RALB: variants seen among roughly 807,000 people sequenced by gnomAD.
RALB encodes ras-related protein Ral-B.
RALB carries 16 observed loss-of-function variants against 21.3 expected under a neutral mutation model. That is an observed-to-expected ratio of 0.75 (90% CI 0.51 to 1.14). RALB has a LOEUF of 1.14. RALB is among the 50% of genes most tolerant of loss of function. The probability of loss-of-function intolerance (pLI) is 0.00; values close to 1 mark genes in which losing one functional copy is unlikely to be tolerated. For synonymous variants in RALB, 93 were observed against 96.1 expected (o/e 0.97, Z 0.19); for missense variants, 161 against 256.2 (o/e 0.63, Z 2.54).
At position 120,294,224 on chromosome 2, in the gene RALB, T is replaced by A. The variant is rs537842375; in HGVS notation, c.*964T>A. The A allele has an allele frequency of 1.6e-4, 63 of 398,640 alleles. No individual in the cohort carries two copies. In the South Asian group the frequency reaches 7.6e-3, roughly 48 times the overall value. The allele number at this position is 398,640 out of a possible 1,614,324, so 24.7% of individuals were successfully genotyped here. Reference sequence around the variant, plus strand: ...AAAGACGTGATGAGTTAAAGTTGTATTCTGAAATCATGAAGCCAGAGCCTG... The same window carrying A: ...AAAGACGTGATGAGTTAAAGTTGTAATCTGAAATCATGAAGCCAGAGCCTG... On this transcript the variant is annotated 3_prime_UTR_variant, in exon 5 of 5. Coordinates refer to ENST00000272519, the MANE Select transcript of RALB (RefSeq NM_002881.3).
At chr2:120,285,735 G>A (rs944283600) in intron 2 of RALB, 139 bp from the exon 3 acceptor site, 1 of 675,502 alleles carries the variant, frequency 1.5e-6, no homozygotes, top group African/African-American at 1.8e-5. Flanking sequence ...GAGCTATAAA[G>A]AACAGAAGTG....
chr2:120,270,471 A>T (rs1689635492), intron 1 of RALB, among the ~76,000 whole-genome samples: 1 of 152,192 alleles, frequency 6.6e-6, no homozygotes, highest in South Asian at 2.1e-4. Context: ...TGTTCGAGTG[A>T]GCTGAGGAGA....
upstream of RALB, among the ~76,000 whole-genome samples, chr2:120,250,448 A>T (rs148837706): frequency 2.0e-4 from 31 of 152,346 alleles, no homozygotes; most frequent in African/African-American, 6.7e-4. Flanking sequence ...TCTGCTCACA[A>T]GTGATCGGTT....
chr2:120,258,116 A>C (rs143270938), intron 1 of RALB, among the ~76,000 whole-genome samples: 4 of 152,246 alleles, frequency 2.6e-5, no homozygotes, highest in African/African-American at 9.6e-5. Context: ...CCTTTTCAAC[A>C]TTCAAGCCTA....
chr2:120,275,322 G>GAACAGC (rs1179193963), intron 1 of RALB, among the ~76,000 whole-genome samples: 1 of 152,194 alleles, frequency 6.6e-6, no homozygotes, highest in African/African-American at 2.4e-5. Flanking sequence ...AAATTACCAA[G>GAACAGC]AACAGCAACC....
At chr2:120,253,387 C>T (rs72841695) in intron 1 of RALB, 10,381 of 985,528 alleles carry the variant, frequency 0.011, 63 homozygotes, top group Non-Finnish European at 0.012. Context: ...ACTTAACTGC[C>T]CTCGGAACTT....
chr2:120,259,991 T>A, intron 1 of RALB, among the ~76,000 whole-genome samples: 1 of 152,324 alleles, frequency 6.6e-6, no homozygotes, highest in South Asian at 2.1e-4. Context: ...GCCACTGGCC[T>A]GGCTGCTAAG....
At chr2:120,264,129 G>A (rs1397701144) in intron 1 of RALB, among the ~76,000 whole-genome samples, 1 of 151,210 alleles carries the variant, frequency 6.6e-6, no homozygotes, top group African/African-American at 2.4e-5. Context: ...GATTACAAGT[G>A]TGAGCCACTG....
At chr2:120,241,391 A>G (rs1419381350) in intron 1 of RALB, among the ~76,000 whole-genome samples, 1 of 152,218 alleles carries the variant, frequency 6.6e-6, no homozygotes, top group Non-Finnish European at 1.5e-5. Flanking sequence ...CCAAAGAGGA[A>G]GGAAACAGCC....
intron 1 of RALB, among the ~76,000 whole-genome samples, chr2:120,277,657 TTGTGA>T (rs1007797327): frequency 1.9e-4 from 18 of 96,544 alleles, no homozygotes; most frequent in African/African-American, 6.6e-4. Context: ...TTTGAAAGTG[TTGTGA>T]GAGCGTTGTG....
At chr2:120,269,017 C>T (rs1014957004) in intron 1 of RALB, among the ~76,000 whole-genome samples, 5 of 152,180 alleles carry the variant, frequency 3.3e-5, no homozygotes, top group African/African-American at 1.2e-4. Flanking sequence ...TTTTGTACCT[C>T]CTCCTAAATG....
At chr2:120,244,269 A>G (rs941252785) in intron 1 of RALB, among the ~76,000 whole-genome samples, 1 of 152,202 alleles carries the variant, frequency 6.6e-6, no homozygotes, top group African/African-American at 2.4e-5. Context: ...GAGCCAAACC[A>G]TATCATTGGA....
At chr2:120,282,650 G>A (rs1266754710) in intron 2 of RALB, among the ~76,000 whole-genome samples, 1 of 152,118 alleles carries the variant, frequency 6.6e-6, no homozygotes, top group Non-Finnish European at 1.5e-5. Flanking sequence ...TCTTCACAGA[G>A]ACCAGGGAAA....
At chr2:120,259,813 C>T (rs563254196) in intron 1 of RALB, among the ~76,000 whole-genome samples, 1,714 of 152,330 alleles carry the variant, frequency 0.011, 33 homozygotes, top group African/African-American at 0.038. Flanking sequence ...TGGCGCTCGT[C>T]GGGGAGGCTC....
intron 1 of RALB, 105 bp downstream of exon 1, chr2:120,253,085 G>A: frequency 1.3e-6 from 1 of 794,716 alleles, no homozygotes; most frequent in African/African-American, 1.9e-5. Context: ...CCGGGCTGTG[G>A]CCGGGCGGCG....
At chr2:120,277,704 T>G (rs553830809) in intron 1 of RALB, among the ~76,000 whole-genome samples, 3 of 151,058 alleles carry the variant, frequency 2.0e-5, no homozygotes, top group African/African-American at 7.4e-5. Flanking sequence ...TGTATGTGGG[T>G]GTGTGTGATA....
At chr2:120,258,030 G>C (rs980610126) in intron 1 of RALB, among the ~76,000 whole-genome samples, 1 of 152,170 alleles carries the variant, frequency 6.6e-6, no homozygotes, top group Non-Finnish European at 1.5e-5. Context: ...AGTCCCCACC[G>C]TGTTGCCGGC....
intron 1 of RALB, 91 bp downstream of exon 1, chr2:120,253,071 C>G (rs1689097479): frequency 1.2e-6 from 1 of 852,614 alleles, no homozygotes; most frequent in Non-Finnish European, 1.4e-6. Flanking sequence ...TTGCTCCCTC[C>G]GTGCCGGGCT....
At chr2:120,253,015 TG>T in intron 1 of RALB, 35 bp downstream of exon 1, 1 of 979,326 alleles carries the variant, frequency 1.0e-6, no homozygotes, top group Non-Finnish European at 1.2e-6. Flanking sequence ...CCGGGCGGGG[TG>T]GGGCGCGGGC....
Sources: gnomAD v4.1 joint callset for allele counts (sites outside exome capture counted in the v4.1 genomes callset) on GRCh38, gnomAD v4.1.1 for gene constraint, MANE v1.5 for transcripts, NCBI Gene and HGNC (gene_info 2026-07-23, HGNC 2026-07-21) for gene names.